The following MIPOL1 variants were observed in gnomAD, a reference collection of about 807,000 sequenced individuals.
The protein encoded by MIPOL1 is mirror-image polydactyly gene 1 protein.
MIPOL1 carries 57 observed loss-of-function variants against 60.9 expected under a neutral mutation model. The observed-to-expected ratio is 0.94, with a 90% CI of 0.76 to 1.17. The LOEUF is 1.17. Among genes scored for constraint, MIPOL1 ranks in the 50% most tolerant of loss-of-function variants. The probability of loss-of-function intolerance (pLI) is 0.00; values close to 1 mark genes in which losing one functional copy is unlikely to be tolerated. For missense variants in MIPOL1, 551 were observed against 511.6 expected, an observed-to-expected ratio of 1.08 and a Z score of -0.74; for synonymous variants, 179 against 168.8, an observed-to-expected ratio of 1.06 and a Z score of -0.47.
At chr14:37,438,714 C>T (rs2094199096) in intron 11 of MIPOL1, among the ~76,000 whole-genome samples, 1 of 152,198 alleles carries the variant, frequency 6.6e-6, no homozygotes, top group Admixed American at 6.5e-5. Context: ...GTTTAACAGT[C>T]TTTGTCTGTG....
At chr14:37,289,494 TGTTA>T (rs919926622) in intron 7 of MIPOL1, among the ~76,000 whole-genome samples, 4 of 152,216 alleles carry the variant, frequency 2.6e-5, no homozygotes, top group African/African-American at 9.7e-5. Flanking sequence ...TTGATTAATT[TGTTA>T]GAGCAGCTCA....
At chr14:37,290,906 G>GT (rs2084997407) in intron 7 of MIPOL1, among the ~76,000 whole-genome samples, 1 of 152,058 alleles carries the variant, frequency 6.6e-6, no homozygotes, top group Non-Finnish European at 1.5e-5. Context: ...TTGTTCCACA[G>GT]TATGTGTCCA....
At chr14:37,451,691 G>GT (rs1234697611) in intron 11 of MIPOL1, among the ~76,000 whole-genome samples, 6 of 151,746 alleles carry the variant, frequency 4.0e-5, no homozygotes, top group Non-Finnish European at 8.8e-5. Flanking sequence ...GCATGAGTTA[G>GT]TTAAAGGATT....
intron 1 of MIPOL1, among the ~76,000 whole-genome samples, chr14:37,211,268 G>A (rs1214652634): frequency 7.6e-6 from 1 of 132,084 alleles, no homozygotes; most frequent in African/African-American, 2.9e-5. Flanking sequence ...AAAATCAAGT[G>A]AGCACACATA....
intron 1 of MIPOL1, among the ~76,000 whole-genome samples, chr14:37,208,768 A>G (rs1966506408): frequency 6.6e-6 from 1 of 151,964 alleles, no homozygotes; most frequent in African/African-American, 2.4e-5. Context: ...TAATTTTTGT[A>G]TTAGTAGAGA....
chr14:37,451,999 T>C (rs1053228635), intron 11 of MIPOL1, among the ~76,000 whole-genome samples: 3 of 151,122 alleles, frequency 2.0e-5, no homozygotes, highest in Non-Finnish European at 4.4e-5. Flanking sequence ...GTATTTTTAG[T>C]AGAGACGGGG....
chr14:37,284,119 T>C (rs756640595), intron 6 of MIPOL1, among the ~76,000 whole-genome samples: 2 of 152,172 alleles, frequency 1.3e-5, no homozygotes, highest in Non-Finnish European at 2.9e-5. Context: ...AACCTCCTGA[T>C]ATAGTGCTGC....
chr14:37,491,468 G>T (rs990055583), intron 11 of MIPOL1, among the ~76,000 whole-genome samples: 1 of 152,144 alleles, frequency 6.6e-6, no homozygotes, highest in African/African-American at 2.4e-5. Flanking sequence ...GGTGAAGGTT[G>T]CAGTGAGCTG....
At chr14:37,265,849 T>G (rs1191907171) in intron 3 of MIPOL1, among the ~76,000 whole-genome samples, 1 of 152,124 alleles carries the variant, frequency 6.6e-6, no homozygotes, top group African/African-American at 2.4e-5. Context: ...ATGGATAGTC[T>G]GATTTGCAGA....
intron 10 of MIPOL1, chr14:37,401,700 T>C (rs1407042306): frequency 1.3e-5 from 2 of 152,104 alleles, no homozygotes; most frequent in Non-Finnish European, 2.9e-5. Context: ...GAGGAATTAC[T>C]TGAAGAAGTA....
intron 11 of MIPOL1, among the ~76,000 whole-genome samples, chr14:37,462,131 A>G (rs965553294): frequency 1.3e-5 from 2 of 152,128 alleles, no homozygotes; most frequent in Admixed American, 6.5e-5. Context: ...AGGCATTTCC[A>G]TACATCTTCT....
intron 3 of MIPOL1, among the ~76,000 whole-genome samples, chr14:37,260,131 T>A (rs1279902030): frequency 1.3e-5 from 2 of 151,482 alleles, no homozygotes; most frequent in Non-Finnish European, 2.9e-5. Context: ...TCTGGCCAGA[T>A]GCGTTAGCTT....
intron 7 of MIPOL1, among the ~76,000 whole-genome samples, chr14:37,307,707 A>G (rs536133684): frequency 6.6e-6 from 1 of 152,186 alleles, no homozygotes; most frequent in East Asian, 1.9e-4. Flanking sequence ...GAGAGGAAAT[A>G]CAGTTTCTGA....
intron 1 of MIPOL1, among the ~76,000 whole-genome samples, chr14:37,210,485 T>A (rs1428290452): frequency 6.6e-6 from 1 of 152,172 alleles, no homozygotes; most frequent in African/African-American, 2.4e-5. Flanking sequence ...GCCAATTCAC[T>A]GAGACTATGC....
intron 1 of MIPOL1, among the ~76,000 whole-genome samples, chr14:37,228,423 T>C (rs940743850): frequency 3.3e-5 from 5 of 151,218 alleles, no homozygotes; most frequent in African/African-American, 1.2e-4. Context: ...ACTGGACACC[T>C]TCCTGACTTC....
At chr14:37,390,929 T>G (rs899153673) in intron 10 of MIPOL1, among the ~76,000 whole-genome samples, 2 of 151,994 alleles carry the variant, frequency 1.3e-5, no homozygotes, top group Non-Finnish European at 2.9e-5. Flanking sequence ...TTGAAGCTCT[T>G]AAGTACACCA....
intron 1 of MIPOL1, among the ~76,000 whole-genome samples, chr14:37,233,944 A>G (rs1031855347): frequency 6.6e-6 from 1 of 151,904 alleles, no homozygotes; most frequent in African/African-American, 2.4e-5. Flanking sequence ...GACCACTTTC[A>G]CTTTTTGGTA....
intron 12 of MIPOL1, chr14:37,505,699 G>A (rs2095269044): frequency 6.6e-6 from 1 of 152,180 alleles, no homozygotes; most frequent in East Asian, 1.9e-4. Context: ...ACTGGCACAA[G>A]ACAAGGATGT....
chr14:37,485,462 A>G lies in MIPOL1; in HGVS notation c.1032-14446A>G, dbSNP rs181150138. ...ACACTCCCACCAACAGTGTAAAAGCATTCCTATTTCTCCACATCCTCTCCA... is the reference window on the plus strand; with the variant it reads ...ACACTCCCACCAACAGTGTAAAAGCGTTCCTATTTCTCCACATCCTCTCCA... On this transcript the variant is annotated intron_variant, in intron 11 of 12. Transcript: ENST00000684589. Among the ~76,000 whole-genome samples the G allele has an allele frequency of 6.9e-3, 1,049 of 152,264 alleles. 12 individuals carry two copies. The highest frequency in any genetic ancestry group is 0.024 in the African/African-American group (1,011 of 41,560).
Sources: allele counts gnomAD v4.1 joint callset (sites outside exome capture counted in the v4.1 genomes callset), GRCh38; gene constraint gnomAD v4.1.1; transcripts MANE v1.5; gene names NCBI Gene and HGNC (gene_info 2026-07-23, HGNC 2026-07-21).